CHLSN: variants seen among roughly 807,000 people sequenced by gnomAD.
CHLSN encodes the protein cholesin.
the CHLSN span, among the ~76,000 whole-genome samples, chr7:1,060,383 ATGTGGC>A: frequency 2.6e-5 from 4 of 152,102 alleles, no homozygotes; most frequent in African/African-American, 9.7e-5. Flanking sequence ...AAGACGGGCG[ATGTGGC>A]TGTGGGAGCT....
At chr7:1,067,797 G>A in the CHLSN span, among the ~76,000 whole-genome samples, 3 of 133,880 alleles carry the variant, frequency 2.2e-5, no homozygotes, top group African/African-American at 8.8e-5. Flanking sequence ...CACACAGGCT[G>A]GAGTGCACCC....
At chr7:1,052,717 C>T in the CHLSN span, among the ~76,000 whole-genome samples, 942 of 152,134 alleles carry the variant, frequency 6.2e-3, 65 homozygotes, top group East Asian at 0.15. This position sits in a 1 kb window ranked among gnomAD's most constrained non-coding sequence, Gnocchi z 4.2. Flanking sequence ...AGCTGAATAT[C>T]ACCCCCGCCA....
chr7:1,023,138 G>A, the CHLSN span: 21 of 383,704 alleles, frequency 5.5e-5, no homozygotes, highest in Non-Finnish European at 9.0e-5. This position sits in a 1 kb window ranked among gnomAD's most constrained non-coding sequence, Gnocchi z 5.0. Flanking sequence ...TCAGAAGGAC[G>A]TTTTAAACGC....
the CHLSN span, among the ~76,000 whole-genome samples, chr7:1,100,538 G>A: frequency 2.6e-5 from 4 of 152,206 alleles, no homozygotes; most frequent in Admixed American, 2.6e-4. Flanking sequence ...GGCGTCAGCT[G>A]GGGAGCCTGG....
At chr7:1,002,523 T>TCCTGTGGGTGAGTGGAGC in the CHLSN span, among the ~76,000 whole-genome samples, 4 of 54,494 alleles carry the variant, frequency 7.3e-5, no homozygotes, top group African/African-American at 3.7e-4. Flanking sequence ...GGGTGGGGAG[T>TCCTGTGGGTGAGTGGAGC]CCTGTGGGTG....
At chr7:979,042 G>A in the CHLSN span, among the ~76,000 whole-genome samples, 32 of 152,204 alleles carry the variant, frequency 2.1e-4, 1 homozygote, top group Admixed American at 6.5e-5. Context: ...CATGGCGGCT[G>A]GGTCCACGGC....
the CHLSN span, chr7:1,093,905 AAC>A: frequency 3.0e-6 from 1 of 333,302 alleles, no homozygotes; most frequent in South Asian, 2.4e-5. Context: ...CCTCACAGAA[AAC>A]ACAGCCCTCC....
At chr7:1,023,626 C>A in the CHLSN span, among the ~76,000 whole-genome samples, 2 of 15,682 alleles carry the variant, frequency 1.3e-4, no homozygotes, top group African/African-American at 5.8e-4. The surrounding 1 kb of genome is among the most constrained non-coding windows in gnomAD (Gnocchi z 5.0). Flanking sequence ...TCCCAGGAAA[C>A]ACACACACAC....
the CHLSN span, chr7:1,010,107 G>T: frequency 6.2e-7 from 1 of 1,612,616 alleles, no homozygotes; most frequent in Non-Finnish European, 8.5e-7. Flanking sequence ...GACAGCTCTG[G>T]CTCTGCGTCC....
the CHLSN span, among the ~76,000 whole-genome samples, chr7:1,019,869 TC>T: frequency 5.3e-5 from 8 of 152,128 alleles, no homozygotes; most frequent in African/African-American, 1.9e-4. Context: ...AGTGGACAGT[TC>T]CCACAGCCTG....
chr7:1,043,565 A>G, the CHLSN span: 1 of 152,266 alleles, frequency 6.6e-6, no homozygotes, highest in Admixed American at 6.5e-5. Flanking sequence ...CTCTGGGCAC[A>G]CAGGGCCCGG....
At chr7:1,070,865 GGTGCGC>G in the CHLSN span, among the ~76,000 whole-genome samples, 2 of 123,844 alleles carry the variant, frequency 1.6e-5, no homozygotes. Flanking sequence ...CATGCACACG[GGTGCGC>G]ACACGTGCAC....
At chr7:1,090,301 CAG>C in the CHLSN span, among the ~76,000 whole-genome samples, 1 of 152,236 alleles carries the variant, frequency 6.6e-6, no homozygotes, top group Non-Finnish European at 1.5e-5. Flanking sequence ...CCCGCATCCC[CAG>C]AGACTGCCAG....
At chr7:1,104,511 A>C in the CHLSN span, among the ~76,000 whole-genome samples, 1 of 152,238 alleles carries the variant, frequency 6.6e-6, no homozygotes, top group Admixed American at 6.5e-5. Context: ...TCAGTACTGC[A>C]GCTCCGGGCA....
At chr7:1,050,253 GTCTGTCAGGGGC>G in the CHLSN span, among the ~76,000 whole-genome samples, 3,225 of 152,340 alleles carry the variant, frequency 0.021, 46 homozygotes, top group Non-Finnish European at 0.029. Context: ...GTCACAGGTG[GTCTGTCAGGGGC>G]TCTCCAGGGA....
chr7:1,099,844 G>C, the CHLSN span, among the ~76,000 whole-genome samples: 2 of 152,228 alleles, frequency 1.3e-5, no homozygotes, highest in Admixed American at 6.5e-5. Context: ...CAGAACTCCA[G>C]AGGACAAGGG....
At chr7:1,136,538 A>G in the CHLSN span, among the ~76,000 whole-genome samples, 6 of 131,220 alleles carry the variant, frequency 4.6e-5, no homozygotes, top group Admixed American at 8.4e-5. Flanking sequence ...AAACATATAT[A>G]TGAACATATA....
chr7:1,127,481 T>TA, the CHLSN span: 90,762 of 863,256 alleles, frequency 0.11, 1 homozygote, highest in South Asian at 0.12. Context: ...ACTCTCCCAT[T>TA]AAAAAAAAAA....
At chr7:987,433 G>A in the CHLSN span, 9 of 1,591,198 alleles carry the variant, frequency 5.7e-6, no homozygotes, top group African/African-American at 1.3e-5. Context: ...CTACACAAGC[G>A]CCGTGCTCCA....
Sources: gnomAD v4.1 joint callset for allele counts (sites outside exome capture counted in the v4.1 genomes callset) on GRCh38, gnomAD v4.1.1 for gene constraint, Gnocchi (gnomAD v3.1) non-coding constraint, MANE v1.5 for transcripts, NCBI Gene and HGNC (gene_info 2026-07-23, HGNC 2026-07-21) for gene names.